Variants in KIAA0825 observed in about 807,000 individuals in gnomAD.
KIAA0825 encodes the protein uncharacterized protein KIAA0825.
KIAA0825 carries 119 observed loss-of-function variants against 147.6 expected under a neutral mutation model. The ratio of observed to expected loss-of-function variants is 0.81; its 90% CI spans 0.69 to 0.94. The LOEUF (loss-of-function observed/expected upper bound fraction) is 0.94, where lower values mean the gene tolerates loss of function less well. Ranked by LOEUF, KIAA0825 falls within the 40% of genes least tolerant of loss-of-function variation. The pLI, the probability that KIAA0825 is intolerant of heterozygous loss-of-function variation, is 0.00. For synonymous variants in KIAA0825, 470 were observed against 518.1 expected, an observed-to-expected ratio of 0.91 and a Z score of 1.26; for missense variants, 1,381 against 1,472.7, an observed-to-expected ratio of 0.94 and a Z score of 1.02.
At chr5:94,246,716 G>C (rs937781795) in intron 20 of KIAA0825, among the ~76,000 whole-genome samples, 1 of 152,128 alleles carries the variant, frequency 6.6e-6, no homozygotes, top group African/African-American at 2.4e-5. Flanking sequence ...CAGTGTGCTA[G>C]GTATTGATAT....
At position 94,464,924 on chromosome 5, in the gene KIAA0825, G is replaced by C; in HGVS notation, c.2008C>G (p.Leu670Val). 1 of 1,551,686 alleles carries C rather than the reference G, an allele frequency of 6.4e-7. No homozygotes were observed. Among genetic ancestry groups the C allele is most frequent in the Non-Finnish European group, 8.7e-7 (1 of 1,146,968 alleles). Residue 670 changes from leucine to valine, a missense_variant, in exon 11 of 21, where the codon CTG becomes GTG. Transcript: ENST00000682413. ...TGGGCCCGAGCGTATCTGGAGGCCA[G>C]TAGACTCAAAGATTTCTCCAGCACT... is the stretch of plus-strand genomic sequence containing the variant. ...VEVLEKSLSL[L>V]ASRYARAHPS...
At chr5:94,488,164 G>A (rs2151061696) in intron 5 of KIAA0825, among the ~76,000 whole-genome samples, 1 of 152,294 alleles carries the variant, frequency 6.6e-6, no homozygotes, top group East Asian at 1.9e-4. Context: ...CCAGAGTGCT[G>A]CGATTACAGG....
At chr5:94,347,688 T>TGG (rs1783172725) in intron 20 of KIAA0825, among the ~76,000 whole-genome samples, 1 of 152,172 alleles carries the variant, frequency 6.6e-6, no homozygotes, top group African/African-American at 2.4e-5. Flanking sequence ...TAAAAGAGCC[T>TGG]ATCCAAATGA....
intron 10 of KIAA0825, among the ~76,000 whole-genome samples, chr5:94,467,467 A>C (rs991707733): frequency 1.3e-5 from 2 of 152,202 alleles, no homozygotes; most frequent in African/African-American, 4.8e-5. Flanking sequence ...TTATTCTTTG[A>C]CTATTGGAAA....
intron 2 of KIAA0825, among the ~76,000 whole-genome samples, chr5:94,539,893 C>T (rs1772938874): frequency 6.6e-6 from 1 of 152,130 alleles, no homozygotes; most frequent in Non-Finnish European, 1.5e-5. Context: ...ATTAATCTGC[C>T]TTGCACTCTT....
intron 2 of KIAA0825, chr5:94,569,303 A>C: frequency 3.1e-6 from 1 of 322,618 alleles, no homozygotes; most frequent in Non-Finnish European, 5.9e-6. Flanking sequence ...ATTTAAAAAA[A>C]CCATTAAACC....
chr5:94,614,503 C>T (rs143520687), intron 1 of KIAA0825, among the ~76,000 whole-genome samples: 4 of 152,260 alleles, frequency 2.6e-5, no homozygotes, highest in Admixed American at 6.5e-5. Context: ...CTAAACTCAG[C>T]TTTTTACCTC....
intron 20 of KIAA0825, among the ~76,000 whole-genome samples, chr5:94,346,354 A>G (rs1297936791): frequency 3.3e-5 from 5 of 152,216 alleles, no homozygotes; most frequent in African/African-American, 9.6e-5. Context: ...ATTAAGTACT[A>G]TATATTAAAA....
At position 94,465,144 on chromosome 5, in the gene KIAA0825, T is replaced by C. The variant is rs1387289282; in HGVS notation, c.1873-85A>G. 6.3e-6 allele frequency: 8 copies of C among 1,265,482 alleles called. No individual in the cohort carries two copies. In the East Asian group the frequency reaches 2.0e-4, roughly 32 times the overall value. 78.4% of individuals were successfully genotyped at this position (1,265,482 alleles called of 1,614,324 possible). On this transcript the variant is annotated intron_variant, in intron 10 of 20. Transcript: ENST00000682413. ...TCCTATGAACGTAATTAGTTCAGGC[T>C]GAAAGGAAATAGCTAAAGAGTTTGA...
chr5:94,276,960 G>A (rs191045643), intron 20 of KIAA0825, among the ~76,000 whole-genome samples: 108 of 152,166 alleles, frequency 7.1e-4, no homozygotes, highest in African/African-American at 2.4e-3. Flanking sequence ...AGGAGGAGTG[G>A]CTTAGCCCAC....
chr5:94,293,086 A>G (rs1777976820), intron 20 of KIAA0825, among the ~76,000 whole-genome samples: 2 of 149,102 alleles, frequency 1.3e-5, no homozygotes, highest in Admixed American at 1.3e-4. Flanking sequence ...TGATTTTTGG[A>G]AAGGTTTTAC....
At chr5:94,221,942 C>A (rs1338388860) in intron 20 of KIAA0825, among the ~76,000 whole-genome samples, 1 of 151,980 alleles carries the variant, frequency 6.6e-6, no homozygotes, top group Admixed American at 6.6e-5. Context: ...TTTTCTCACC[C>A]ACGCCTTTGC....
At chr5:94,347,915 A>G (rs555367282) in intron 20 of KIAA0825, among the ~76,000 whole-genome samples, 4 of 152,324 alleles carry the variant, frequency 2.6e-5, no homozygotes, top group African/African-American at 7.2e-5. Flanking sequence ...TGAAGTGAGA[A>G]ATATTCAAGA....
intron 20 of KIAA0825, among the ~76,000 whole-genome samples, chr5:94,214,350 C>A (rs1166428321): frequency 6.6e-6 from 1 of 151,870 alleles, no homozygotes; most frequent in Non-Finnish European, 1.5e-5. Context: ...ATAAAACCCT[C>A]AAAAAATAAC....
chr5:94,491,619 C>G (rs1009908776), intron 5 of KIAA0825, among the ~76,000 whole-genome samples: 2 of 152,158 alleles, frequency 1.3e-5, no homozygotes, highest in African/African-American at 4.8e-5. Flanking sequence ...TTGTCATGAA[C>G]GCTAAGATGA....
At chr5:94,311,491 C>G (rs1252350448) in intron 20 of KIAA0825, among the ~76,000 whole-genome samples, 2 of 151,466 alleles carry the variant, frequency 1.3e-5, no homozygotes, top group Non-Finnish European at 3.0e-5. Context: ...GCAAAACTAC[C>G]TGACATAATT....
At position 94,326,504 on chromosome 5, in the gene KIAA0825, T is replaced by C. The variant is rs187655138; in HGVS notation, c.3710+57864A>G. On this transcript the variant is annotated intron_variant, in intron 20 of 20. Coordinates refer to ENST00000682413, the MANE Select transcript of KIAA0825 (RefSeq NM_001145678.3). ...GTTTTTCAAAGTAATAAAGGCCTGATTGATCTCACTGACTAAGGCAATTGA... is the reference window on the plus strand; with the variant it reads ...GTTTTTCAAAGTAATAAAGGCCTGACTGATCTCACTGACTAAGGCAATTGA... 4.6e-5 allele frequency among the ~76,000 whole-genome samples: 7 copies of C among 152,288 alleles called. No homozygotes were observed. The East Asian group carries it at 1.4e-3, about 29-fold the overall frequency.
intron 20 of KIAA0825, among the ~76,000 whole-genome samples, chr5:94,235,450 AG>A (rs1774987130): frequency 6.6e-6 from 1 of 152,226 alleles, no homozygotes; most frequent in African/African-American, 2.4e-5. Context: ...AAAAGTCTGA[AG>A]GTAGCAGAAC....
intron 2 of KIAA0825, among the ~76,000 whole-genome samples, chr5:94,552,708 G>C (rs979752295): frequency 6.6e-6 from 1 of 152,156 alleles, no homozygotes; most frequent in African/African-American, 2.4e-5. Context: ...TGAAACAAAT[G>C]AAACATGGCA....
Sources: allele counts gnomAD v4.1 joint callset (sites outside exome capture counted in the v4.1 genomes callset), GRCh38; gene constraint gnomAD v4.1.1; transcripts MANE v1.5; gene names NCBI Gene and HGNC (gene_info 2026-07-23, HGNC 2026-07-21).